CDH18: variants seen among roughly 807,000 people sequenced by gnomAD.
The protein encoded by CDH18 is cadherin-18.
A neutral mutation model predicts 67.9 loss-of-function variants in CDH18; 31 were observed. That is an observed-to-expected ratio of 0.46 (90% CI 0.34 to 0.62). The LOEUF is 0.62. CDH18 is among the 20% of genes least tolerant of loss of function. The pLI, the probability that CDH18 is intolerant of heterozygous loss-of-function variation, is 0.01. For synonymous variants in CDH18, 362 were observed against 347.2 expected, an observed-to-expected ratio of 1.04 and a Z score of -0.48; for missense variants, 890 against 975.5, an observed-to-expected ratio of 0.91 and a Z score of 1.17.
At chr5:19,476,653 C>T (rs1460939351) in intron 12 of CDH18, among the ~76,000 whole-genome samples, 6 of 151,970 alleles carry the variant, frequency 3.9e-5, no homozygotes, top group Admixed American at 6.6e-5. Context: ...TGTTCTAGAT[C>T]GAAAGACCTA....
chr5:20,428,712 T>C (rs949870017), intron 1 of CDH18, among the ~76,000 whole-genome samples: 15 of 152,216 alleles, frequency 9.9e-5, no homozygotes, highest in Admixed American at 2.0e-4. Flanking sequence ...GCACTTTTTT[T>C]CATATGTTTG....
At chr5:19,985,498 A>AT (rs997949952) in intron 1 of CDH18, among the ~76,000 whole-genome samples, 6 of 151,922 alleles carry the variant, frequency 3.9e-5, no homozygotes, top group Non-Finnish European at 7.4e-5. Context: ...GTATAGAGAG[A>AT]TTTTTTTATT....
At chr5:19,977,849 TA>T (rs1244590191) in intron 2 of CDH18, among the ~76,000 whole-genome samples, 2 of 152,152 alleles carry the variant, frequency 1.3e-5, no homozygotes, top group Non-Finnish European at 2.9e-5. Flanking sequence ...GTCTCTTAGT[TA>T]AAAATTAGTT....
At chr5:20,401,689 T>C (rs954911536) in intron 1 of CDH18, among the ~76,000 whole-genome samples, 5 of 152,332 alleles carry the variant, frequency 3.3e-5, no homozygotes, top group African/African-American at 1.2e-4. Flanking sequence ...TTCAGCATGT[T>C]CTGATGAACC....
intron 1 of CDH18, among the ~76,000 whole-genome samples, chr5:20,443,207 C>CTCAAAAAAAAAAAAAAAAAAAAAAAAAA: frequency 3.9e-5 from 1 of 25,380 alleles, no homozygotes; most frequent in African/African-American, 1.4e-4. Flanking sequence ...GAGACTCCGT[C>CTCAAAAAAAAAAAAAAAAAAAAAAAAAA]ACAAAAAAAA....
At chr5:20,183,605 A>G (rs977691251) in intron 2 of CDH18, among the ~76,000 whole-genome samples, 2 of 152,122 alleles carry the variant, frequency 1.3e-5, no homozygotes, top group Non-Finnish European at 2.9e-5. Context: ...ATCATCTACC[A>G]TAAGTAGTTA....
intron 1 of CDH18, among the ~76,000 whole-genome samples, chr5:20,419,532 G>A (rs897531233): frequency 2.2e-5 from 3 of 138,386 alleles, no homozygotes; most frequent in Non-Finnish European, 4.5e-5. Flanking sequence ...CTGGAGTGCA[G>A]TGGCAAGATC....
chr5:20,334,737 C>G (rs1402316751), intron 1 of CDH18, among the ~76,000 whole-genome samples: 1 of 135,128 alleles, frequency 7.4e-6, no homozygotes, highest in Non-Finnish European at 1.5e-5. Context: ...TGATCTCTCT[C>G]TCTCTCTCTC....
At chr5:19,922,198 T>A (rs901562369) in intron 2 of CDH18, among the ~76,000 whole-genome samples, 1 of 152,188 alleles carries the variant, frequency 6.6e-6, no homozygotes, top group Admixed American at 6.5e-5. Flanking sequence ...CCCTCTAATA[T>A]AAAATAAACT....
chr5:19,628,769 A>T (rs1476766412), intron 5 of CDH18, among the ~76,000 whole-genome samples: 1 of 152,138 alleles, frequency 6.6e-6, no homozygotes, highest in African/African-American at 2.4e-5. Context: ...TAGTAATATA[A>T]ATATGACCAG....
At chr5:20,367,700 G>A (rs1742640650) in intron 1 of CDH18, among the ~76,000 whole-genome samples, 1 of 152,194 alleles carries the variant, frequency 6.6e-6, no homozygotes, top group African/African-American at 2.4e-5. Flanking sequence ...AGAACATGTG[G>A]TAAATTTTTA....
chr5:19,600,739 T>C (rs560249706), intron 6 of CDH18, among the ~76,000 whole-genome samples: 6 of 152,198 alleles, frequency 3.9e-5, no homozygotes, highest in South Asian at 4.2e-4. Flanking sequence ...ATATGTACTA[T>C]AGGATATGTA....
At chr5:20,501,130 G>C (rs1291791437) in intron 1 of CDH18, among the ~76,000 whole-genome samples, 1 of 152,030 alleles carries the variant, frequency 6.6e-6, no homozygotes, top group Non-Finnish European at 1.5e-5. Flanking sequence ...CTAGCTGAGT[G>C]ACTTTACTTC....
chr5:20,276,269 G>A (rs1194903056), intron 1 of CDH18, among the ~76,000 whole-genome samples: 2 of 152,188 alleles, frequency 1.3e-5, no homozygotes, highest in Non-Finnish European at 2.9e-5. Flanking sequence ...CACAGCTCCA[G>A]GAGAGACTCC....
At position 19,483,334 on chromosome 5, in the gene CDH18, T is replaced by G. The variant is rs978201652; in HGVS notation, c.1849A>C (p.Ile617Leu). ...SSAGLSTGAL[I>L]AILLCVLILL... ...ATGAGAACACAGAGAAGAATAGCGA[T>G]TAAGGCTCCTGTACTCAAACCAGCC... The change falls in exon 12 of 13, where the codon ATC becomes CTC. Residue 617 changes from isoleucine (I) to leucine (L), a missense_variant. Coordinates refer to ENST00000382275, the MANE Select transcript of CDH18 (RefSeq NM_004934.5). 6 of 1,613,994 alleles carry G rather than the reference T, an allele frequency of 3.7e-6. No individual in the cohort carries two copies. The highest frequency in any genetic ancestry group is 3.3e-5 in the Admixed American group (2 of 59,990).
intron 1 of CDH18, among the ~76,000 whole-genome samples, chr5:20,507,004 G>C (rs1247873567): frequency 6.6e-6 from 1 of 152,132 alleles, no homozygotes; most frequent in Non-Finnish European, 1.5e-5. Flanking sequence ...TAGTCATGCT[G>C]CCAGGAAATA....
At chr5:20,357,507 C>T (rs993881587) in intron 1 of CDH18, among the ~76,000 whole-genome samples, 1 of 151,984 alleles carries the variant, frequency 6.6e-6, no homozygotes, top group Non-Finnish European at 1.5e-5. Context: ...ATTACATAAA[C>T]AAACACTTCT....
At chr5:20,501,139 T>TC (rs1328705333) in intron 1 of CDH18, among the ~76,000 whole-genome samples, 3 of 152,018 alleles carry the variant, frequency 2.0e-5, no homozygotes, top group Non-Finnish European at 4.4e-5. Context: ...TGACTTTACT[T>TC]CCCTTATATG....
At chr5:19,608,355 T>A (rs544857478) in intron 6 of CDH18, among the ~76,000 whole-genome samples, 1 of 151,836 alleles carries the variant, frequency 6.6e-6, no homozygotes, top group Admixed American at 6.6e-5. Flanking sequence ...TCTTTGATAA[T>A]TAAAAAAAAT....
Sources: allele counts gnomAD v4.1 joint callset (sites outside exome capture counted in the v4.1 genomes callset), GRCh38; gene constraint gnomAD v4.1.1; transcripts MANE v1.5; gene names NCBI Gene and HGNC (gene_info 2026-07-23, HGNC 2026-07-21).